The following LRRC4C variants were observed in gnomAD, a reference collection of about 807,000 sequenced individuals.
LRRC4C encodes the protein leucine-rich repeat-containing protein 4C.
Under a neutral mutation model 33.6 loss-of-function variants are expected in LRRC4C, and 5 were observed. The ratio of observed to expected loss-of-function variants is 0.15; its 90% CI spans 0.08 to 0.31. The LOEUF (loss-of-function observed/expected upper bound fraction) is 0.31, where lower values mean the gene tolerates loss of function less well. Ranked by LOEUF, LRRC4C falls within the 10% of genes least tolerant of loss-of-function variation. The pLI, the probability that LRRC4C is intolerant of heterozygous loss-of-function variation, is 1.00. For missense variants in LRRC4C, 560 were observed against 796.7 expected (o/e 0.70, Z 3.58); for synonymous variants, 329 against 302.0 (o/e 1.09, Z -0.93).
At chr11:41,454,034 A>C (rs539950354) in intron 1 of LRRC4C, among the ~76,000 whole-genome samples, 1 of 152,228 alleles carries the variant, frequency 6.6e-6, no homozygotes, top group South Asian at 2.1e-4. Flanking sequence ...AAAGTCATAA[A>C]GCAGACTTCA....
intron 2 of LRRC4C, among the ~76,000 whole-genome samples, chr11:40,793,156 A>G (rs1221189075): frequency 1.3e-5 from 2 of 152,162 alleles, no homozygotes; most frequent in Non-Finnish European, 2.9e-5. Context: ...AAAAATAAAA[A>G]AAGAAATCTT....
intron 2 of LRRC4C, among the ~76,000 whole-genome samples, chr11:40,649,899 A>C (rs921044635): frequency 6.6e-6 from 1 of 152,220 alleles, no homozygotes; most frequent in Non-Finnish European, 1.5e-5. Flanking sequence ...CAAATTGTAA[A>C]GCAAAGACTT....
chr11:40,209,707 C>T (rs1863438479), intron 5 of LRRC4C, among the ~76,000 whole-genome samples: 2 of 152,138 alleles, frequency 1.3e-5, no homozygotes, highest in African/African-American at 4.8e-5. Flanking sequence ...ATATTTTTAA[C>T]ACTACCCATG....
At chr11:41,454,068 GA>G (rs2138670441) in intron 1 of LRRC4C, among the ~76,000 whole-genome samples, 1 of 152,094 alleles carries the variant, frequency 6.6e-6, no homozygotes, top group East Asian at 1.9e-4. Flanking sequence ...AGGATAAAAA[GA>G]ACCCACAACC....
At chr11:40,505,390 T>C (rs139208426) in intron 3 of LRRC4C, among the ~76,000 whole-genome samples, 59 of 152,268 alleles carry the variant, frequency 3.9e-4, no homozygotes, top group Middle Eastern at 3.4e-3. Context: ...CAAACAACAA[T>C]AGATTTACTG....
At chr11:40,147,783 A>G (rs138435342) in intron 5 of LRRC4C, among the ~76,000 whole-genome samples, 2 of 152,170 alleles carry the variant, frequency 1.3e-5, no homozygotes, top group East Asian at 3.9e-4. Context: ...GTACATGTGC[A>G]AGTTTGTAAT....
At chr11:41,250,037 G>A (rs1948589166) in intron 1 of LRRC4C, among the ~76,000 whole-genome samples, 1 of 151,930 alleles carries the variant, frequency 6.6e-6, no homozygotes, top group African/African-American at 2.4e-5. Context: ...AGGTGTGATG[G>A]CAGCGCCTGT....
chr11:40,898,559 AAAAAG>A (rs1488933712), intron 2 of LRRC4C, among the ~76,000 whole-genome samples: 1 of 151,862 alleles, frequency 6.6e-6, no homozygotes, highest in African/African-American at 2.4e-5. Flanking sequence ...ACACACTCAC[AAAAAG>A]AAAAGAAGGA....
chr11:41,073,320 G>A (rs1938852942), intron 1 of LRRC4C, among the ~76,000 whole-genome samples: 1 of 143,430 alleles, frequency 7.0e-6, no homozygotes, highest in Non-Finnish European at 1.5e-5. Flanking sequence ...CAAGAGGAGG[G>A]GGAAAGTGAG....
At chr11:40,193,657 C>A (rs1862025552) in intron 5 of LRRC4C, among the ~76,000 whole-genome samples, 1 of 151,988 alleles carries the variant, frequency 6.6e-6, no homozygotes, top group Admixed American at 6.6e-5. Flanking sequence ...ACAAACTCAT[C>A]CAAGCTAAAG....
intron 2 of LRRC4C, among the ~76,000 whole-genome samples, chr11:40,652,490 A>G (rs1259064760): frequency 1.3e-5 from 2 of 152,220 alleles, no homozygotes; most frequent in African/African-American, 4.8e-5. Context: ...TCTATAGACA[A>G]GAAAAATGAG....
chr11:41,060,686 T>C (rs1590391799), intron 1 of LRRC4C, among the ~76,000 whole-genome samples: 1 of 152,210 alleles, frequency 6.6e-6, no homozygotes, highest in Admixed American at 6.5e-5. Context: ...ATATATATAT[T>C]GGAGTAACAT....
At chr11:40,832,788 G>T (rs1952478780) in intron 2 of LRRC4C, among the ~76,000 whole-genome samples, 1 of 152,066 alleles carries the variant, frequency 6.6e-6, no homozygotes, top group South Asian at 2.1e-4. Flanking sequence ...AACTACCAAA[G>T]AATCTAGAAT....
intron 1 of LRRC4C, among the ~76,000 whole-genome samples, chr11:41,127,437 TTAAAA>T (rs1343033889): frequency 1.3e-5 from 2 of 152,154 alleles, no homozygotes; most frequent in African/African-American, 4.8e-5. Context: ...TAATTCATAG[TTAAAA>T]TAAAGTCTGC....
intron 4 of LRRC4C, among the ~76,000 whole-genome samples, chr11:40,277,330 T>A (rs1198819126): frequency 2.0e-5 from 3 of 152,088 alleles, no homozygotes; most frequent in Non-Finnish European, 4.4e-5. Context: ...GTTGATATAT[T>A]TAAAATAAGT....
chr11:40,927,823 T>C (rs1957461075), intron 2 of LRRC4C, among the ~76,000 whole-genome samples: 1 of 152,200 alleles, frequency 6.6e-6, no homozygotes, highest in South Asian at 2.1e-4. Flanking sequence ...TATAGTTCAC[T>C]TAGGTGTTTC....
At chr11:41,370,944 T>C (rs1219995797) in intron 1 of LRRC4C, among the ~76,000 whole-genome samples, 1 of 152,210 alleles carries the variant, frequency 6.6e-6, no homozygotes, top group Non-Finnish European at 1.5e-5. Context: ...AGGAGAATGT[T>C]AGTCTTGCTA....
chr11:41,281,803 G>T (rs1484598982), intron 1 of LRRC4C, among the ~76,000 whole-genome samples: 1 of 152,214 alleles, frequency 6.6e-6, no homozygotes, highest in Non-Finnish European at 1.5e-5. Context: ...ACAATCTTTA[G>T]TTTGTGGAGT....
At chr11:40,888,228 T>A (rs971322003) in intron 2 of LRRC4C, among the ~76,000 whole-genome samples, 9 of 152,048 alleles carry the variant, frequency 5.9e-5, no homozygotes, top group Admixed American at 3.3e-4. Flanking sequence ...ATTTGTTTTC[T>A]CCCATATAGA....
Sources: gnomAD v4.1 joint callset for allele counts (sites outside exome capture counted in the v4.1 genomes callset) on GRCh38, gnomAD v4.1.1 for gene constraint, MANE v1.5 for transcripts, NCBI Gene and HGNC (gene_info 2026-07-23, HGNC 2026-07-21) for gene names.